Variants in FAAP20 observed in about 807,000 individuals in gnomAD.
FAAP20 encodes FA core complex associated protein 20, also known as Fanconi anemia core complex-associated protein 20.
In FAAP20, 12 loss-of-function variants were observed where a neutral mutation model predicts 16.2. The observed-to-expected ratio is 0.74, with a 90% CI of 0.48 to 1.20. The LOEUF (loss-of-function observed/expected upper bound fraction) is 1.20. Among genes scored for constraint, FAAP20 ranks in the 50% most tolerant of loss-of-function variants. The pLI is 0.00. For missense variants in FAAP20, 288 were observed against 245.8 expected (o/e 1.17, Z -1.15); for synonymous variants, 141 against 110.7 (o/e 1.27, Z -1.72).
At chr1:2,212,115 G>A (rs1286019807), downstream of FAAP20, 1 of 151,886 alleles carries the variant, frequency 6.6e-6, no homozygotes, top group African/African-American at 2.4e-5. Flanking sequence ...CACCGTGTTA[G>A]CCAGGTTGGT....
At chr1:2,188,937 G>A (rs1401723996), downstream of FAAP20, among the ~76,000 whole-genome samples, 5 of 151,532 alleles carry the variant, frequency 3.3e-5, no homozygotes, top group East Asian at 7.8e-4. Flanking sequence ...CCCGGGAGGC[G>A]GAGCTTGCAG....
Position 2,193,641 on chromosome 1 carries a change from G to C in FAAP20, c.468C>G (p.Pro156=). 1.3e-6 allele frequency: 2 copies of C among 1,595,036 alleles called. No individual in the cohort carries two copies. Among genetic ancestry groups the C allele is most frequent in the Non-Finnish European group, 1.7e-6 (2 of 1,175,552 alleles). Reference sequence around the variant, plus strand: ...GGGCGCAGGGGTGGCCTACTCACCTGGGGGCGAACTCCTTCTGGCACATGG... The same window carrying C: ...GGGCGCAGGGGTGGCCTACTCACCTCGGGGCGAACTCCTTCTGGCACATGG... ...SCPMCQKEFA[P]RLTQLDVDSH... is the part of the protein sequence containing the mutation. Residue 156 remains proline, a splice_region_variant and synonymous_variant, in exon 3 of 4, where the codon CCC becomes CCG. Transcript: ENST00000378546.
rs755237245 is a variant in FAAP20, at chr1:2,193,778, G to A, written c.331C>T (p.Leu111=). 2 of 1,596,486 alleles carry A rather than the reference G, an allele frequency of 1.3e-6. No homozygotes were observed. The highest frequency in any genetic ancestry group is 2.2e-5 in the South Asian group (2 of 89,356). ...YRLLHGAGGH[L]ESPARSLPQR... ...GGCAGGGACCTGGCGGGGGATTCCAGGTGCCCTCCTGCCCCGTGAAGCAGC... is the reference window on the plus strand; with the variant it reads ...GGCAGGGACCTGGCGGGGGATTCCAAGTGCCCTCCTGCCCCGTGAAGCAGC... Residue 111 remains leucine, a synonymous_variant, in exon 3 of 4, where the codon CTG becomes TTG. Coordinates refer to ENST00000378546, the MANE Select transcript of FAAP20 (RefSeq NM_182533.4).
chr1:2,194,757 C>A lies in FAAP20; in HGVS notation c.-8G>T. Reference sequence around the variant, plus strand: ...CCTCCGCGCCGCCTCCATCCAAGCCCGCGCCGGGCGGAAGTGAGCGCAAGC... The same window carrying A: ...CCTCCGCGCCGCCTCCATCCAAGCCAGCGCCGGGCGGAAGTGAGCGCAAGC... On this transcript the variant is annotated 5_prime_UTR_variant, in exon 1 of 4. Transcript: ENST00000378546. The A allele has an allele frequency of 8.5e-7, 1 of 1,180,582 alleles. No homozygotes were observed. The highest frequency in any genetic ancestry group is 1.0e-6 in the Non-Finnish European group (1 of 956,328). 73.1% of individuals were successfully genotyped at this position (1,180,582 alleles called of 1,614,324 possible).
At chr1:2,187,399 G>T (rs1308843328), downstream of FAAP20, among the ~76,000 whole-genome samples, 1 of 151,710 alleles carries the variant, frequency 6.6e-6, no homozygotes, top group East Asian at 1.9e-4. Context: ...CCACCTCCCG[G>T]GTTTAAGCGA....
chr1:2,187,330 A>G (rs1687716473), downstream of FAAP20: 1 of 355,552 alleles, frequency 2.8e-6, no homozygotes, highest in African/African-American at 2.4e-5. Flanking sequence ...TTTGAGACAG[A>G]GTATTACTCT....
At chr1:2,193,614 C>G (rs1404231407) in intron 3 of FAAP20, 25 bp downstream of exon 3, 1 of 1,582,568 alleles carries the variant, frequency 6.3e-7, no homozygotes, top group African/African-American at 1.4e-5. Context: ...GATAACCGGG[C>G]CGGGCGCAGG....
downstream of FAAP20, among the ~76,000 whole-genome samples, chr1:2,211,875 G>A (rs1426941213): frequency 4.0e-5 from 6 of 150,160 alleles, no homozygotes; most frequent in African/African-American, 7.4e-5. Flanking sequence ...GTGAGCCACC[G>A]TGCCTGGCCG....
upstream of FAAP20, chr1:2,198,601 G>A (rs922349493): frequency 9.0e-7 from 1 of 1,105,554 alleles, no homozygotes; most frequent in Non-Finnish European, 1.2e-6. Flanking sequence ...GCAGGCCTAA[G>A]CAGCCCGGTG....
upstream of FAAP20, among the ~76,000 whole-genome samples, chr1:2,195,753 C>T (rs781204643): frequency 1.6e-4 from 25 of 152,362 alleles, no homozygotes; most frequent in Admixed American, 2.6e-4. Flanking sequence ...GGGCCCCAGC[C>T]TGGAGGCCAT....
downstream of FAAP20, among the ~76,000 whole-genome samples, chr1:2,185,703 C>G (rs1687486929): frequency 6.6e-6 from 1 of 152,126 alleles, no homozygotes; most frequent in Non-Finnish European, 1.5e-5. Flanking sequence ...AAAACGTGGC[C>G]CACCAAAGCA....
chr1:2,207,308 C>T (rs949784068), downstream of FAAP20, among the ~76,000 whole-genome samples: 1 of 152,166 alleles, frequency 6.6e-6, no homozygotes, highest in Non-Finnish European at 1.5e-5. Context: ...CCTTCGCCGG[C>T]CTTCTTGGGC....
At chr1:2,190,178 A>G (rs1177396894) in intron 3 of FAAP20, 2 of 476,918 alleles carry the variant, frequency 4.2e-6, no homozygotes, top group East Asian at 6.2e-5. Flanking sequence ...GGCTGCGTCT[A>G]CAGGAGGCAG....
At chr1:2,204,999 G>GC (rs1689190623) in intron 3 of FAAP20, among the ~76,000 whole-genome samples, 1 of 85,720 alleles carries the variant, frequency 1.2e-5, no homozygotes, top group African/African-American at 4.6e-5. Flanking sequence ...CTCAAGCCCC[G>GC]CCCCTCCCTC....
rs969605734 is a variant in FAAP20, at chr1:2,189,801, C to T, written c.471-20G>A. 4.4e-6 allele frequency: 7 copies of T among 1,591,018 alleles called. No homozygotes were observed. The highest frequency in any genetic ancestry group is 3.3e-5 in the Admixed American group (2 of 59,960). ...GTCAGCCTGCAAGGGAGGGGCCACACTCACTCGGCCACCTCCGCGGCATGC... is the reference window on the plus strand; with the variant it reads ...GTCAGCCTGCAAGGGAGGGGCCACATTCACTCGGCCACCTCCGCGGCATGC... On this transcript the variant is annotated intron_variant, in intron 3 of 3. Transcript: ENST00000378546.
chr1:2,203,765 G>A (rs1277087822), upstream of FAAP20: 1 of 482,236 alleles, frequency 2.1e-6, no homozygotes, highest in Non-Finnish European at 2.7e-6. Context: ...TTGCCTCCAG[G>A]GACCAGCCTG....
At chr1:2,185,006 G>A (rs1387922418), downstream of FAAP20, 22 of 1,611,312 alleles carry the variant, frequency 1.4e-5, no homozygotes, top group Non-Finnish European at 1.9e-5. Context: ...AGGAGTCGGT[G>A]TGAGGCCGCG....
downstream of FAAP20, among the ~76,000 whole-genome samples, chr1:2,211,433 A>AT (rs1689442868): frequency 8.4e-5 from 1 of 11,972 alleles, no homozygotes; most frequent in Admixed American, 1.6e-3. Context: ...ATATATATAT[A>AT]TATTTTTTTT....
chr1:2,200,131 C>T (rs1470172956), upstream of FAAP20: 3 of 151,096 alleles, frequency 2.0e-5, no homozygotes, highest in Non-Finnish European at 4.4e-5. Context: ...TGCTGTGGCT[C>T]ATGCCTGTAA....
Sources: allele counts gnomAD v4.1 joint callset (sites outside exome capture counted in the v4.1 genomes callset), GRCh38; gene constraint gnomAD v4.1.1; transcripts MANE v1.5; gene names NCBI Gene and HGNC (gene_info 2026-07-23, HGNC 2026-07-21).